Variants in RIMKLB observed in about 807,000 individuals in gnomAD.
The protein encoded by RIMKLB is beta-citrylglutamate synthase B.
In RIMKLB, 7 loss-of-function variants were observed where a neutral mutation model predicts 32.0. The observed-to-expected ratio is 0.22, with a 90% CI of 0.12 to 0.41. RIMKLB has a LOEUF of 0.41. Ranked by LOEUF, RIMKLB falls within the 10% of genes least tolerant of loss-of-function variation. The pLI, the probability that RIMKLB is intolerant of heterozygous loss-of-function variation, is 1.00. For missense variants in RIMKLB, 289 were observed against 498.7 expected (o/e 0.58, Z 4.00); for synonymous variants, 172 against 185.1 (o/e 0.93, Z 0.57).
At chr12:8,687,672 C>T (rs945215837) in intron 1 of RIMKLB, among the ~76,000 whole-genome samples, 4 of 152,004 alleles carry the variant, frequency 2.6e-5, no homozygotes, top group African/African-American at 9.7e-5. Flanking sequence ...TTCCTTTCTG[C>T]TTTCTCCCTA....
intron 2 of RIMKLB, among the ~76,000 whole-genome samples, chr12:8,733,847 C>T (rs1361069915): frequency 1.3e-5 from 2 of 152,192 alleles, no homozygotes; most frequent in East Asian, 3.8e-4. Flanking sequence ...CCATTGCACT[C>T]TAGCCTGGGT....
chr12:8,702,509 G>T (rs575072738), intron 1 of RIMKLB, among the ~76,000 whole-genome samples: 2 of 151,604 alleles, frequency 1.3e-5, no homozygotes, highest in African/African-American at 4.8e-5. Flanking sequence ...TTTTCCTTCT[G>T]ATACTAGCTT....
At chr12:8,701,897 C>CGG (rs200644121) in intron 1 of RIMKLB, among the ~76,000 whole-genome samples, 23 of 150,936 alleles carry the variant, frequency 1.5e-4, no homozygotes, top group Non-Finnish European at 3.0e-4. Flanking sequence ...CTCAGCTACT[C>CGG]GGGGGGGCTG....
rs74584783 is a variant in RIMKLB at position 8,718,001 on chromosome 12, T to A, written c.175+3960T>A. Among the ~76,000 whole-genome samples, 133 of 152,338 alleles carry A rather than the reference T, an allele frequency of 8.7e-4. 1 individual carries two copies. The East Asian group carries it at 0.017, about 19-fold the overall frequency. On this transcript the variant is annotated intron_variant, in intron 2 of 5. Transcript: ENST00000535829. ...GCTAGCAGAATTGTATTTTCCTTGT[T>A]CATCTCTTTTACTGACAGTGTGGCC...
Position 8,773,315 on chromosome 12 carries a change from T to C in RIMKLB, c.698-6T>C. 1.3e-6 allele frequency: 2 copies of C among 1,585,942 alleles called. No homozygotes were observed. The highest frequency in any genetic ancestry group is 1.7e-6 in the Non-Finnish European group (2 of 1,157,016). On this transcript the variant is annotated splice_region_variant and splice_polypyrimidine_tract_variant and intron_variant, in intron 5 of 5. Coordinates refer to ENST00000535829, the MANE Select transcript of RIMKLB (RefSeq NM_001297776.2). Reference sequence around the variant, plus strand: ...TGTTAATTTCCTGTCTTGTTTCTTTTGCCAGGTGGTGTGGGGATGATGTGC... The same window carrying C: ...TGTTAATTTCCTGTCTTGTTTCTTTCGCCAGGTGGTGTGGGGATGATGTGC...
downstream of RIMKLB, among the ~76,000 whole-genome samples, chr12:8,778,705 C>T (rs150646115): frequency 6.6e-6 from 1 of 152,256 alleles, no homozygotes; most frequent in African/African-American, 2.4e-5. Context: ...AGTTTTAGTT[C>T]TGAGCTTTTA....
At chr12:8,736,623 GGT>G (rs942984718) in intron 2 of RIMKLB, among the ~76,000 whole-genome samples, 7 of 150,134 alleles carry the variant, frequency 4.7e-5, no homozygotes, top group African/African-American at 1.5e-4. Context: ...TAGGAGTATA[GGT>G]GTGTGTCATG....
At chr12:8,737,582 T>C (rs748311119) in intron 2 of RIMKLB, among the ~76,000 whole-genome samples, 8 of 152,198 alleles carry the variant, frequency 5.3e-5, no homozygotes, top group Non-Finnish European at 8.8e-5. Flanking sequence ...CTTTGAATAG[T>C]TTTAGCCTCC....
chr12:8,748,445 A>G (rs781777334), intron 2 of RIMKLB, among the ~76,000 whole-genome samples: 2 of 151,638 alleles, frequency 1.3e-5, no homozygotes, highest in East Asian at 3.9e-4. Context: ...TAGTTCTTAC[A>G]GTTTAGGCTT....
downstream of RIMKLB, chr12:8,777,685 T>C: frequency 7.8e-7 from 1 of 1,288,438 alleles, no homozygotes; most frequent in East Asian, 5.6e-5. Context: ...GAGTGAGAAG[T>C]ATTGAGAACT....
chr12:8,675,840 G>C, the RIMKLB span, among the ~76,000 whole-genome samples: 3 of 145,698 alleles, frequency 2.1e-5, no homozygotes, highest in Non-Finnish European at 3.0e-5. Context: ...TGGGTTTTCT[G>C]TCATCTGGTC....
At chr12:8,713,316 C>T (rs755737205) in intron 1 of RIMKLB, among the ~76,000 whole-genome samples, 12 of 151,590 alleles carry the variant, frequency 7.9e-5, no homozygotes, top group Non-Finnish European at 1.8e-4. Flanking sequence ...TTTTTTTCTA[C>T]ATACCTATAA....
At chr12:8,705,751 C>G (rs1271344166) in intron 1 of RIMKLB, among the ~76,000 whole-genome samples, 1 of 152,134 alleles carries the variant, frequency 6.6e-6, no homozygotes, top group African/African-American at 2.4e-5. Flanking sequence ...GAGTAAGCAG[C>G]AGTCTGTAAA....
chr12:8,730,155 A>T (rs1270702197), intron 2 of RIMKLB, among the ~76,000 whole-genome samples: 5 of 152,116 alleles, frequency 3.3e-5, no homozygotes. Context: ...TTGCAGTCAT[A>T]GCTCACTGCA....
intron 7 of RIMKLB, among the ~76,000 whole-genome samples, chr12:8,782,683 A>G (rs953951617): frequency 6.6e-6 from 1 of 152,154 alleles, no homozygotes; most frequent in Non-Finnish European, 1.5e-5. Context: ...TTTTAATGAT[A>G]AGAACATTAA....
At chr12:8,748,805 G>T (rs1264429652) in intron 2 of RIMKLB, among the ~76,000 whole-genome samples, 1 of 151,854 alleles carries the variant, frequency 6.6e-6, no homozygotes, top group Non-Finnish European at 1.5e-5. Flanking sequence ...CAGGCATGGT[G>T]GCGGACGCCT....
At chr12:8,771,268 C>T (rs747010544) in intron 5 of RIMKLB, among the ~76,000 whole-genome samples, 6 of 152,150 alleles carry the variant, frequency 3.9e-5, no homozygotes, top group African/African-American at 1.2e-4. Context: ...ACATTCCTTC[C>T]TCCAGGGTAT....
At chr12:8,761,909 G>A (rs750823303) in intron 5 of RIMKLB, among the ~76,000 whole-genome samples, 54 of 152,282 alleles carry the variant, frequency 3.5e-4, no homozygotes, top group Middle Eastern at 6.8e-3. Context: ...CTAGCAGGCC[G>A]GTCCAGGGGT....
chr12:8,736,537 G>C (rs1219573524), intron 2 of RIMKLB, among the ~76,000 whole-genome samples: 1 of 38,084 alleles, frequency 2.6e-5, no homozygotes, highest in South Asian at 7.6e-4. Flanking sequence ...TTTTTTTTTT[G>C]ACGGGTCTTG....
Sources: allele counts gnomAD v4.1 joint callset (sites outside exome capture counted in the v4.1 genomes callset), GRCh38; gene constraint gnomAD v4.1.1; transcripts MANE v1.5; gene names NCBI Gene and HGNC (gene_info 2026-07-23, HGNC 2026-07-21).